RHBDL3: variants seen among roughly 807,000 people sequenced by gnomAD.
The protein encoded by RHBDL3 is rhomboid like 3, also known as rhomboid-related protein 3.
RHBDL3 carries 28 observed loss-of-function variants against 48.2 expected under a neutral mutation model. The ratio of observed to expected loss-of-function variants is 0.58; its 90% CI spans 0.43 to 0.80. RHBDL3 has a LOEUF of 0.80. Among genes scored for constraint, RHBDL3 ranks in the 30% least tolerant of loss-of-function variants. The probability of loss-of-function intolerance (pLI) is 0.00; values close to 1 mark genes in which losing one functional copy is unlikely to be tolerated. For missense variants in RHBDL3, 464 were observed against 542.7 expected, an observed-to-expected ratio of 0.85 and a Z score of 1.44; for synonymous variants, 208 against 232.3, an observed-to-expected ratio of 0.90 and a Z score of 0.95.
intron 2 of RHBDL3, among the ~76,000 whole-genome samples, chr17:32,268,367 G>A (rs1299017523): frequency 6.6e-6 from 1 of 152,090 alleles, no homozygotes; most frequent in Non-Finnish European, 1.5e-5. Flanking sequence ...CTCACAGTAT[G>A]GACTCTTTTG....
At chr17:32,266,924 T>G (rs1296623023) in intron 1 of RHBDL3, among the ~76,000 whole-genome samples, 1 of 151,868 alleles carries the variant, frequency 6.6e-6, no homozygotes, top group Non-Finnish European at 1.5e-5. Flanking sequence ...GACGGTCCCC[T>G]GGGCGAGGAG....
At chr17:32,268,127 C>T (rs2039681591) in intron 2 of RHBDL3, among the ~76,000 whole-genome samples, 1 of 152,166 alleles carries the variant, frequency 6.6e-6, no homozygotes, top group South Asian at 2.1e-4. Context: ...AGAGGATCTC[C>T]CTCCTGCCTC....
chr17:32,275,095 C>T (rs866077143), intron 2 of RHBDL3, among the ~76,000 whole-genome samples: 5 of 152,154 alleles, frequency 3.3e-5, no homozygotes, highest in African/African-American at 9.7e-5. Flanking sequence ...TTGGTGGCTG[C>T]CAGGAGAAGC....
chr17:32,279,516 C>T (rs1464563903), intron 2 of RHBDL3, among the ~76,000 whole-genome samples: 1 of 152,164 alleles, frequency 6.6e-6, no homozygotes, highest in Non-Finnish European at 1.5e-5. Flanking sequence ...TGTTGCCAGG[C>T]CCCTCTGACA....
At position 32,294,311 on chromosome 17, in the gene RHBDL3, C is replaced by T. The variant is rs761126805; in HGVS notation, c.537C>T (p.Tyr179=). ...CTGTCCAGGTTGCCTTTTTCCTCTA[C>T]AATGGGGTGTCACTAGGTCAATTTG... ...VTLLEVAFFL[Y]NGVSLGQFVL... The change falls in exon 5 of 9, where the codon TAC becomes TAT. Residue 179 remains tyrosine, a synonymous_variant. Transcript: ENST00000269051. 3.1e-6 allele frequency: 5 copies of T among 1,613,750 alleles called. No homozygotes were observed. The African/African-American group carries it at 6.7e-5, about 22-fold the overall frequency.
At chr17:32,299,872 A>G (rs1161228902) in intron 6 of RHBDL3, among the ~76,000 whole-genome samples, 1 of 151,422 alleles carries the variant, frequency 6.6e-6, no homozygotes, top group Non-Finnish European at 1.5e-5. Context: ...GTCACCACAC[A>G]TGTCATTGAT....
intron 2 of RHBDL3, among the ~76,000 whole-genome samples, chr17:32,270,694 C>T (rs1023660283): frequency 6.6e-6 from 1 of 152,116 alleles, no homozygotes; most frequent in African/African-American, 2.4e-5. Flanking sequence ...GATTCTTCCC[C>T]ATGGGTCCCA....
At position 32,321,731 on chromosome 17, in the gene RHBDL3, G is replaced by A. The variant is rs2041139175; in HGVS notation, c.*502G>A. ...GCTGTGTCTGGGGCTCCAGTAAGAA[G>A]AGGGCCTACTGGACATGTCAGCTGT... On this transcript the variant is annotated 3_prime_UTR_variant, in exon 9 of 9. Transcript: ENST00000269051. 4.0e-6 allele frequency: 1 copy of A among 247,960 alleles called. No individual in the cohort carries two copies. The highest frequency in any genetic ancestry group is 5.0e-5 in the Admixed American group (1 of 19,952). 15.4% of individuals were successfully genotyped at this position (247,960 alleles called of 1,614,324 possible).
intron 1 of RHBDL3, among the ~76,000 whole-genome samples, chr17:32,267,446 G>GA (rs1452953433): frequency 4.0e-5 from 6 of 151,464 alleles, no homozygotes; most frequent in African/African-American, 1.5e-4. Flanking sequence ...GGGAGGGGGG[G>GA]GCTCTAGCTC....
At chr17:32,274,090 A>G (rs1014758346) in intron 2 of RHBDL3, among the ~76,000 whole-genome samples, 17 of 152,198 alleles carry the variant, frequency 1.1e-4, no homozygotes, top group African/African-American at 4.1e-4. Context: ...TCCTTCCACC[A>G]TATCAGGCTG....
intron 2 of RHBDL3, among the ~76,000 whole-genome samples, chr17:32,275,872 G>T (rs1017887847): frequency 6.6e-6 from 1 of 152,108 alleles, no homozygotes; most frequent in Non-Finnish European, 1.5e-5. Context: ...AGCTGTCAGG[G>T]GCCTGGCCTG....
rs764586713 is a variant in RHBDL3 at position 32,288,841 on chromosome 17, A to G, written c.344A>G (p.Asn115Ser). The change falls in exon 4 of 9, where the codon AAC (asparagine) becomes AGC (serine). Residue 115 changes from asparagine (N) to serine (S), a missense_variant. Coordinates refer to ENST00000269051, the MANE Select transcript of RHBDL3 (RefSeq NM_138328.3). ...TTCCGCCAAGCCATCCTGCAGGGCA[A>G]CCGCAGGCTAAGCAGCAAGGCCCTG... is the stretch of plus-strand genomic sequence containing the variant. ...NSFRQAILQG[N>S]RRLSSKALLE... The G allele has an allele frequency of 6.2e-6, 10 of 1,613,920 alleles. No homozygotes were observed. In the East Asian group the frequency reaches 6.7e-5, roughly 11 times the overall value.
chr17:32,291,647 C>T (rs1206883897), intron 4 of RHBDL3, among the ~76,000 whole-genome samples: 2 of 152,008 alleles, frequency 1.3e-5, no homozygotes, highest in Non-Finnish European at 2.9e-5. Flanking sequence ...TGCCACTGCA[C>T]TCCAGCCTGG....
chr17:32,274,859 T>C (rs2039857995), intron 2 of RHBDL3, among the ~76,000 whole-genome samples: 1 of 151,480 alleles, frequency 6.6e-6, no homozygotes, highest in South Asian at 2.1e-4. Flanking sequence ...TGTGTTTGTG[T>C]GTGCAAGAGT....
At chr17:32,277,653 T>C (rs2039947017) in intron 2 of RHBDL3, among the ~76,000 whole-genome samples, 1 of 152,200 alleles carries the variant, frequency 6.6e-6, no homozygotes, top group South Asian at 2.1e-4. Flanking sequence ...TGTCAGCTGC[T>C]CGGAGACCTA....
rs1314591040 is a variant in RHBDL3 at position 32,321,586 on chromosome 17, T to TCCTCCTCTAC, written c.*362_*371dup. The TCCTCCTCTAC allele has an allele frequency of 2.4e-6, 1 of 414,126 alleles. No individual in the cohort carries two copies. Among genetic ancestry groups the TCCTCCTCTAC allele is most frequent in the Non-Finnish European group, 4.5e-6 (1 of 220,162 alleles). The allele number at this position is 414,126 out of a possible 1,614,324, so 25.7% of individuals were successfully genotyped here. On this transcript the variant is annotated 3_prime_UTR_variant, in exon 9 of 9. Transcript: ENST00000269051. The stretch of plus-strand genomic sequence containing the variant: ...TGCGGATTGAGCAGCAGCTTCTTCC[T>TCCTCCTCTAC]CCTCCTCTACCCTCAGAGACCCTAA...
At chr17:32,274,488 G>C (rs1396423206) in intron 2 of RHBDL3, among the ~76,000 whole-genome samples, 1 of 152,210 alleles carries the variant, frequency 6.6e-6, no homozygotes, top group African/African-American at 2.4e-5. Flanking sequence ...AGCAAACATT[G>C]AATGTCTAAC....
At chr17:32,319,585 C>CGGAGGGT (rs1337147021) in intron 8 of RHBDL3, among the ~76,000 whole-genome samples, 6 of 152,146 alleles carry the variant, frequency 3.9e-5, no homozygotes, top group East Asian at 3.9e-4. Context: ...GTGCGGAGGG[C>CGGAGGGT]GGAGGGTCAG....
Position 32,266,253 on chromosome 17 carries a change from G to A in RHBDL3, c.64G>A (p.Glu22Lys). The A allele has an allele frequency of 6.8e-7, 1 of 1,464,642 alleles. No individual in the cohort carries two copies. Among genetic ancestry groups the A allele is most frequent in the South Asian group, 1.3e-5 (1 of 77,190 alleles). 90.7% of individuals were successfully genotyped at this position (1,464,642 alleles called of 1,614,324 possible). A position where few individuals can be genotyped will look rare whatever the true frequency, so the allele number is the denominator to read the frequency against. The change falls in exon 1 of 9, where the codon GAG becomes AAG. Residue 22 changes from glutamate (E) to lysine (K), a missense_variant. By Grantham distance (56) the Glu-to-Lys change is moderately conservative. Coordinates refer to ENST00000269051, the MANE Select transcript of RHBDL3 (RefSeq NM_138328.3). The part of the protein sequence containing the change: ...AACAEAERIE[E>K]LEPEAEERLP... ...CTGCGCCGAGGCGGAGCGCATCGAG[G>A]AGCTGGAACCCGAGGCCGAGGAGCG...
Sources: allele counts gnomAD v4.1 joint callset (sites outside exome capture counted in the v4.1 genomes callset), GRCh38; gene constraint gnomAD v4.1.1; transcripts MANE v1.5; gene names NCBI Gene and HGNC (gene_info 2026-07-23, HGNC 2026-07-21).